Variants in RPS6KA5 observed in about 807,000 individuals in gnomAD.
RPS6KA5 encodes ribosomal protein S6 kinase alpha-5.
A neutral mutation model predicts 85.5 loss-of-function variants in RPS6KA5; 27 were observed. That is an observed-to-expected ratio of 0.32 (90% CI 0.23 to 0.44). RPS6KA5 has a LOEUF of 0.44. Ranked by LOEUF, RPS6KA5 falls within the 20% of genes least tolerant of loss-of-function variation. The pLI is 1.00. For synonymous variants in RPS6KA5, 334 were observed against 348.2 expected (o/e 0.96, Z 0.46); for missense variants, 811 against 980.9 (o/e 0.83, Z 2.31).
At chr14:90,967,474 C>T (rs1035761453) in intron 3 of RPS6KA5, among the ~76,000 whole-genome samples, 2 of 152,120 alleles carry the variant, frequency 1.3e-5, no homozygotes, top group African/African-American at 4.8e-5. Context: ...TACTGTCAAG[C>T]TTAATTATAA....
chr14:90,915,664 G>A (rs1314879981), intron 7 of RPS6KA5, among the ~76,000 whole-genome samples: 1 of 151,914 alleles, frequency 6.6e-6, no homozygotes, highest in Non-Finnish European at 1.5e-5. Flanking sequence ...AAAATTAGGT[G>A]GGCGTGGTGG....
intron 1 of RPS6KA5, among the ~76,000 whole-genome samples, chr14:91,051,829 C>G (rs1232927512): frequency 6.6e-6 from 1 of 151,706 alleles, no homozygotes; most frequent in African/African-American, 2.4e-5. Context: ...CCCAAACCAA[C>G]TAGGAATAGA....
chr14:90,893,324 A>C (rs1475531755), intron 13 of RPS6KA5, among the ~76,000 whole-genome samples: 4 of 152,214 alleles, frequency 2.6e-5, no homozygotes, highest in African/African-American at 4.8e-5. Context: ...CAAGTTAATA[A>C]AACAGAATTT....
chr14:90,935,866 T>C (rs1157169196), intron 5 of RPS6KA5, among the ~76,000 whole-genome samples: 1 of 152,248 alleles, frequency 6.6e-6, no homozygotes, highest in African/African-American at 2.4e-5. Flanking sequence ...GCATATACCA[T>C]ATTTAAGCAT....
At chr14:91,018,526 T>C (rs889778162) in intron 1 of RPS6KA5, among the ~76,000 whole-genome samples, 2 of 152,190 alleles carry the variant, frequency 1.3e-5, no homozygotes, top group Admixed American at 6.5e-5. Context: ...GCAGGCTGAA[T>C]TAGGTGGCGT....
At chr14:90,878,289 T>C (rs893013090) in intron 14 of RPS6KA5, among the ~76,000 whole-genome samples, 2 of 152,334 alleles carry the variant, frequency 1.3e-5, no homozygotes, top group Non-Finnish European at 1.5e-5. Context: ...GAGACTGTAC[T>C]GTGGTCTTGA....
chr14:91,027,925 G>A (rs1302613291), intron 1 of RPS6KA5, among the ~76,000 whole-genome samples: 1 of 152,174 alleles, frequency 6.6e-6, no homozygotes, highest in Non-Finnish European at 1.5e-5. Context: ...CATAGAAGCT[G>A]TATCTCAAAC....
chr14:90,854,375 T>C lies in RPS6KA5; in HGVS notation c.*17699A>G, dbSNP rs934922615. Reference sequence around the variant, plus strand: ...AGCACAGAAACTAAGTTTTTAGAAATAGCCTACATAATGAAGATTATGTAT... The same window carrying C: ...AGCACAGAAACTAAGTTTTTAGAAACAGCCTACATAATGAAGATTATGTAT... On this transcript the variant is annotated 3_prime_UTR_variant, in exon 17 of 17. Coordinates refer to ENST00000614987, the MANE Select transcript of RPS6KA5 (RefSeq NM_004755.4). 2.0e-5 allele frequency: 3 copies of C among 152,170 alleles called. No individual in the cohort carries two copies. Among genetic ancestry groups the C allele is most frequent in the African/African-American group, 7.2e-5 (3 of 41,460 alleles). The allele number at this position is 152,170 out of a possible 1,614,324, so 9.4% of individuals were successfully genotyped here.
At chr14:90,935,157 T>A (rs1457123551) in intron 5 of RPS6KA5, among the ~76,000 whole-genome samples, 1 of 152,298 alleles carries the variant, frequency 6.6e-6, no homozygotes, top group African/African-American at 2.4e-5. Context: ...GTTATCTGAT[T>A]CTCAATGCAA....
At chr14:91,059,486 A>C (rs1299104359) in intron 1 of RPS6KA5, among the ~76,000 whole-genome samples, 1 of 152,208 alleles carries the variant, frequency 6.6e-6, no homozygotes, top group Non-Finnish European at 1.5e-5. Flanking sequence ...ACAATACGAG[A>C]CTGGGCTCCA....
At chr14:91,053,250 C>A (rs1373170315) in intron 1 of RPS6KA5, among the ~76,000 whole-genome samples, 1 of 152,096 alleles carries the variant, frequency 6.6e-6, no homozygotes, top group Admixed American at 6.6e-5. Context: ...CATAGCTAAC[C>A]CCATACTCAG....
chr14:90,938,428 C>T (rs1260989803), intron 5 of RPS6KA5, among the ~76,000 whole-genome samples: 2 of 152,344 alleles, frequency 1.3e-5, no homozygotes, highest in East Asian at 1.9e-4. Flanking sequence ...CAGTGGCCCT[C>T]TTCTCACAGC....
Position 90,847,982 on chromosome 14 carries a change from G to C in RPS6KA5, c.*24092C>G, listed in dbSNP as rs2031801360. The stretch of plus-strand genomic sequence containing the variant: ...GTTAAAAATAAAACCCATACATAAA[G>C]CTTTCCGGTCAAATTCCCGAAACAT... On this transcript the variant is annotated 3_prime_UTR_variant, in exon 17 of 17. Coordinates refer to ENST00000614987, the MANE Select transcript of RPS6KA5 (RefSeq NM_004755.4). The C allele has an allele frequency of 1.3e-5, 2 of 152,118 alleles. No homozygotes were observed. Among genetic ancestry groups the C allele is most frequent in the Non-Finnish European group, 2.9e-5 (2 of 68,022 alleles). 9.4% of individuals were successfully genotyped at this position (152,118 alleles called of 1,614,324 possible).
intron 2 of RPS6KA5, among the ~76,000 whole-genome samples, chr14:91,000,137 C>T (rs149925027): frequency 4.6e-5 from 7 of 152,236 alleles, no homozygotes; most frequent in East Asian, 1.9e-4. Flanking sequence ...CAAATATACA[C>T]GCAGATATTT....
intron 2 of RPS6KA5, among the ~76,000 whole-genome samples, chr14:90,992,265 C>G (rs2040341670): frequency 6.6e-6 from 1 of 152,118 alleles, no homozygotes; most frequent in South Asian, 2.1e-4. Context: ...TCTTAGTTAT[C>G]CCATCTTCTC....
intron 2 of RPS6KA5, among the ~76,000 whole-genome samples, chr14:90,984,291 G>A (rs1416630575): frequency 1.3e-5 from 2 of 152,194 alleles, no homozygotes; most frequent in Non-Finnish European, 2.9e-5. Flanking sequence ...ATTTAGCTTG[G>A]CTGATATTTG....
chr14:90,900,601 A>T lies in RPS6KA5; in HGVS notation c.1245+10T>A, dbSNP rs1482954543. On this transcript the variant is annotated intron_variant, in intron 10 of 16. Coordinates refer to ENST00000614987, the MANE Select transcript of RPS6KA5 (RefSeq NM_004755.4). ...ACAAATATGTCATATAAGTTACCAC[A>T]TCTATATACCTTCATCATTGCACTC... 23 of 1,609,952 alleles carry T rather than the reference A, an allele frequency of 1.4e-5. No homozygotes were observed. Among genetic ancestry groups the T allele is most frequent in the Admixed American group, 3.4e-5 (2 of 59,168 alleles).
At chr14:90,997,911 G>A (rs553885421) in intron 2 of RPS6KA5, among the ~76,000 whole-genome samples, 1 of 151,156 alleles carries the variant, frequency 6.6e-6, no homozygotes, top group African/African-American at 2.4e-5. Context: ...TACTCCGGAG[G>A]CTGAGGCAGG....
chr14:90,909,470 T>A (rs1437288375), intron 7 of RPS6KA5, among the ~76,000 whole-genome samples: 1 of 152,194 alleles, frequency 6.6e-6, no homozygotes, highest in African/African-American at 2.4e-5. Flanking sequence ...CATATAATAA[T>A]CCTATCAAAA....
Sources: gnomAD v4.1 joint callset for allele counts (sites outside exome capture counted in the v4.1 genomes callset) on GRCh38, gnomAD v4.1.1 for gene constraint, MANE v1.5 for transcripts, NCBI Gene and HGNC (gene_info 2026-07-23, HGNC 2026-07-21) for gene names.